Variants in SETBP1 observed in about 807,000 individuals in gnomAD.
SETBP1 encodes the protein SET-binding protein.
In SETBP1, 9 loss-of-function variants were observed where a neutral mutation model predicts 101.0. The ratio of observed to expected loss-of-function variants is 0.09; its 90% CI spans 0.05 to 0.16. The LOEUF (loss-of-function observed/expected upper bound fraction) is 0.16, where lower values mean the gene tolerates loss of function less well. Ranked by LOEUF, SETBP1 falls within the 10% of genes least tolerant of loss-of-function variation. The probability of loss-of-function intolerance (pLI) is 1.00; values close to 1 mark genes in which losing one functional copy is unlikely to be tolerated. For missense variants in SETBP1, 1,858 were observed against 2,033.8 expected, an observed-to-expected ratio of 0.91 and a Z score of 1.66; for synonymous variants, 818 against 788.5, an observed-to-expected ratio of 1.04 and a Z score of -0.63.
At chr18:44,824,746 AG>A (rs2072197452) in intron 2 of SETBP1, among the ~76,000 whole-genome samples, 2 of 152,206 alleles carry the variant, frequency 1.3e-5, no homozygotes, top group Middle Eastern at 3.2e-3. Flanking sequence ...GAAAAAAAGA[AG>A]GGGATGGGAA....
intron 5 of SETBP1, among the ~76,000 whole-genome samples, chr18:45,061,176 G>A (rs2073885308): frequency 6.6e-6 from 1 of 152,204 alleles, no homozygotes; most frequent in African/African-American, 2.4e-5. Flanking sequence ...TGACATGAAG[G>A]TGGGCTAAGT....
At position 45,063,075 on chromosome 18, in the gene SETBP1, G is replaced by A. The variant is rs1177160928; in HGVS notation, c.4172-4G>A. ...TCAATTTCTTATCTCTTCCCCTCCCGCAGTCGGCTCCTCCCTGAAGAAGAG... is the reference window on the plus strand; with the variant it reads ...TCAATTTCTTATCTCTTCCCCTCCCACAGTCGGCTCCTCCCTGAAGAAGAG... On this transcript the variant is annotated splice_region_variant and splice_polypyrimidine_tract_variant and intron_variant, in intron 5 of 5. Transcript: ENST00000649279. 10 of 1,613,562 alleles carry A rather than the reference G, an allele frequency of 6.2e-6. No homozygotes were observed. Among genetic ancestry groups the A allele is most frequent in the Admixed American group, 1.7e-5 (1 of 59,974 alleles).
In SETBP1 at chr18:44,952,686, C is replaced by A; in HGVS notation, c.3346C>A (p.His1116Asn). The change falls in exon 4 of 6, where the codon CAC becomes AAC. Residue 1116 changes from histidine to asparagine, a missense_variant. Around this residue, in one of 12 missense-constraint regions of SETBP1, gnomAD observed 417 missense variants for 389.1 expected, o/e 1.07. Coordinates refer to ENST00000649279, the MANE Select transcript of SETBP1 (RefSeq NM_015559.3). The stretch of plus-strand genomic sequence containing the variant: ...TAAGCATAAAGCCAAGCATGGAGTA[C>A]ACCTGCAGGGACCTGTTAGCATGGG... ...AAKHKAKHGV[H>N]LQGPVSMGLG... The A allele has an allele frequency of 6.2e-7, 1 of 1,614,136 alleles. No individual in the cohort carries two copies. Among genetic ancestry groups the A allele is most frequent in the Non-Finnish European group, 8.5e-7 (1 of 1,180,032 alleles).
chr18:44,902,970 C>T (rs973228471), intron 3 of SETBP1, among the ~76,000 whole-genome samples: 1 of 151,800 alleles, frequency 6.6e-6, no homozygotes, highest in Non-Finnish European at 1.5e-5. Context: ...ATACAATGAA[C>T]ATCTATATAC....
chr18:44,744,784 A>C (rs865903627), intron 2 of SETBP1, among the ~76,000 whole-genome samples: 1,582 of 63,670 alleles, frequency 0.025, 27 homozygotes, highest in African/African-American at 0.066. Context: ...AAAAAAAAAC[A>C]AAAAAAAAAA....
At chr18:44,780,386 G>A (rs910784308) in intron 2 of SETBP1, among the ~76,000 whole-genome samples, 6 of 152,118 alleles carry the variant, frequency 3.9e-5, no homozygotes, top group African/African-American at 9.7e-5. Flanking sequence ...CATCCCTTGG[G>A]TACCTAAGAT....
chr18:44,990,993 G>A (rs1466902772), intron 4 of SETBP1, among the ~76,000 whole-genome samples: 1 of 149,964 alleles, frequency 6.7e-6, no homozygotes, highest in Non-Finnish European at 1.5e-5. Flanking sequence ...GCTCACGCCT[G>A]TAATCCCAGC....
intron 2 of SETBP1, among the ~76,000 whole-genome samples, chr18:44,748,112 C>G (rs2070300034): frequency 6.6e-6 from 1 of 152,052 alleles, no homozygotes; most frequent in Non-Finnish European, 1.5e-5. Context: ...TTGAGTGTCA[C>G]TCCTCCTGCT....
intron 3 of SETBP1, among the ~76,000 whole-genome samples, chr18:44,909,073 T>C (rs1224518513): frequency 2.0e-5 from 3 of 152,192 alleles, no homozygotes; most frequent in African/African-American, 4.8e-5. Flanking sequence ...TGTGTTAGAA[T>C]TGAAGAATTC....
intron 2 of SETBP1, among the ~76,000 whole-genome samples, chr18:44,827,443 G>A (rs550130041): frequency 6.6e-6 from 1 of 152,256 alleles, no homozygotes; most frequent in Non-Finnish European, 1.5e-5. Flanking sequence ...TTTGGAATAG[G>A]TCGGTTCTGA....
intron 3 of SETBP1, among the ~76,000 whole-genome samples, chr18:44,919,493 G>C (rs1030416370): frequency 1.3e-5 from 2 of 151,890 alleles, no homozygotes; most frequent in Non-Finnish European, 2.9e-5. Flanking sequence ...GGGACTACAG[G>C]TGCACACCAC....
At chr18:44,745,001 G>A (rs1213660937) in intron 2 of SETBP1, among the ~76,000 whole-genome samples, 1 of 152,066 alleles carries the variant, frequency 6.6e-6, no homozygotes, top group African/African-American at 2.4e-5. Context: ...CAGGCTGTCC[G>A]GCTGCAAGCT....
chr18:44,787,131 C>T (rs1009853962), intron 2 of SETBP1, among the ~76,000 whole-genome samples: 5 of 152,118 alleles, frequency 3.3e-5, no homozygotes, highest in African/African-American at 4.8e-5. Flanking sequence ...AGATTTCTCT[C>T]TTTAGGAATA....
At chr18:45,040,071 A>G (rs1008661569) in intron 5 of SETBP1, among the ~76,000 whole-genome samples, 4 of 152,148 alleles carry the variant, frequency 2.6e-5, no homozygotes, top group African/African-American at 4.8e-5. Flanking sequence ...ATATCTGAAC[A>G]CACAACCCTT....
chr18:44,981,990 T>C (rs1296377541), intron 4 of SETBP1, among the ~76,000 whole-genome samples: 1 of 152,190 alleles, frequency 6.6e-6, no homozygotes, highest in Non-Finnish European at 1.5e-5. Context: ...GAAATGTGCA[T>C]TTATATTCAG....
chr18:44,914,653 A>G (rs555378171), intron 3 of SETBP1, among the ~76,000 whole-genome samples: 1 of 152,300 alleles, frequency 6.6e-6, no homozygotes, highest in African/African-American at 2.4e-5. Context: ...GAGGATGGAT[A>G]CCACTGGTTA....
Position 44,950,427 on chromosome 18 carries a change from G to T in SETBP1, c.1087G>T (p.Asp363Tyr), listed in dbSNP as rs201685079. 5.6e-6 allele frequency: 9 copies of T among 1,614,154 alleles called. No homozygotes were observed. The African/African-American group carries it at 1.1e-4, about 19-fold the overall frequency. Residue 363 changes from aspartate to tyrosine, a missense_variant, in exon 4 of 6, where the codon GAC becomes TAC. Around this residue, in one of 12 missense-constraint regions of SETBP1, gnomAD observed 581 missense variants for 535.1 expected, o/e 1.09. Transcript: ENST00000649279. ...DWVKNAQKAF[D>Y]NTEGKREGYS... ...GGTCAAGAATGCCCAGAAAGCATTT[G>T]ACAATACAGAAGGGAAAAGGGAAGG... is the stretch of plus-strand genomic sequence containing the variant.
intron 3 of SETBP1, among the ~76,000 whole-genome samples, chr18:44,948,227 T>G (rs1568232195): frequency 6.6e-6 from 1 of 152,190 alleles, no homozygotes; most frequent in East Asian, 1.9e-4. Flanking sequence ...TTTGCAGGCT[T>G]CACTTGAGGA....
chr18:44,741,578 G>C (rs2070097924), intron 2 of SETBP1, among the ~76,000 whole-genome samples: 1 of 152,100 alleles, frequency 6.6e-6, no homozygotes. Context: ...ACTGCTCCAA[G>C]GAGATAATTG....
Sources: allele counts gnomAD v4.1 joint callset (sites outside exome capture counted in the v4.1 genomes callset), GRCh38; gene constraint gnomAD v4.1.1; regional missense constraint gnomAD v4.1.1; transcripts MANE v1.5; gene names NCBI Gene and HGNC (gene_info 2026-07-23, HGNC 2026-07-21).